The following PLCG2 variants were observed in gnomAD, a reference collection of about 807,000 sequenced individuals.
The protein encoded by PLCG2 is phospholipase C gamma 2.
PLCG2 carries 69 observed loss-of-function variants against 175.6 expected under a neutral mutation model. The observed-to-expected ratio is 0.39, with a 90% CI of 0.32 to 0.48. The LOEUF (loss-of-function observed/expected upper bound fraction) is 0.48, where lower values mean the gene tolerates loss of function less well. PLCG2 is among the 20% of genes least tolerant of loss of function. The probability of loss-of-function intolerance (pLI) is 0.91; values close to 1 mark genes in which losing one functional copy is unlikely to be tolerated. For missense variants in PLCG2, 1,798 were observed against 1,650.9 expected, an observed-to-expected ratio of 1.09 and a Z score of -1.54; for synonymous variants, 827 against 624.0, an observed-to-expected ratio of 1.33 and a Z score of -4.85.
intron 18 of PLCG2, 116 bp downstream of exon 18, chr16:81,910,836 C>T (rs1237409274): frequency 1.1e-6 from 1 of 928,536 alleles, no homozygotes; most frequent in Non-Finnish European, 1.7e-6. Context: ...TCTCCCCAGC[C>T]CACCGGCATC....
intron 2 of PLCG2, among the ~76,000 whole-genome samples, chr16:81,812,930 G>A (rs1318526288): frequency 6.6e-6 from 1 of 152,148 alleles, no homozygotes; most frequent in Non-Finnish European, 1.5e-5. Context: ...ATTAAGTAGG[G>A]AATCCTTTCC....
intron 5 of PLCG2, among the ~76,000 whole-genome samples, chr16:81,862,313 A>G (rs1283399038): frequency 2.0e-5 from 3 of 152,212 alleles, no homozygotes; most frequent in Non-Finnish European, 4.4e-5. Flanking sequence ...TGACTTTTCT[A>G]GAGGCAAATG....
chr16:81,893,957 C>CTTTTTTT (rs1567520283), intron 12 of PLCG2, among the ~76,000 whole-genome samples, 163 bp downstream of exon 12: 1 of 142,010 alleles, frequency 7.0e-6, no homozygotes, highest in Non-Finnish European at 1.6e-5. Flanking sequence ...TTTCTTTTTT[C>CTTTTTTT]TTTCTTTTTT....
intron 5 of PLCG2, among the ~76,000 whole-genome samples, chr16:81,861,781 C>A (rs1597360060): frequency 6.6e-6 from 1 of 152,174 alleles, no homozygotes; most frequent in Non-Finnish European, 1.5e-5. Flanking sequence ...TATGGTATGG[C>A]CAATCTGGCT....
At chr16:81,938,954 C>G in intron 29 of PLCG2, 39 bp downstream of exon 29, 1 of 1,173,880 alleles carries the variant, frequency 8.5e-7, no homozygotes, top group South Asian at 1.3e-5. Flanking sequence ...TTTAAACGTC[C>G]GGCCAGTGAA....
chr16:81,926,294 A>G (rs1015214054), intron 22 of PLCG2, among the ~76,000 whole-genome samples: 3 of 152,196 alleles, frequency 2.0e-5, no homozygotes, highest in Non-Finnish European at 2.9e-5. Flanking sequence ...CTGGGGAGCC[A>G]TCATGTGGTG....
chr16:81,958,007 G>T lies in PLCG2; in HGVS notation c.*9G>T, dbSNP rs781560169. 1.2e-5 allele frequency: 20 copies of T among 1,602,464 alleles called. No individual in the cohort carries two copies. Among genetic ancestry groups the T allele is most frequent in the South Asian group, 3.3e-5 (3 of 90,814 alleles). ...GCAAGTTTTACTCATAGAAGCTGGGGTATGTGTGTAAGGGTATTGTGTGTG... is the reference window on the plus strand; with the variant it reads ...GCAAGTTTTACTCATAGAAGCTGGGTTATGTGTGTAAGGGTATTGTGTGTG... On this transcript the variant is annotated 3_prime_UTR_variant, in exon 33 of 33. Coordinates refer to ENST00000564138, the MANE Select transcript of PLCG2 (RefSeq NM_002661.5).
At chr16:81,778,030 A>AC (rs1555505433), upstream of PLCG2, among the ~76,000 whole-genome samples, 4 of 81,930 alleles carry the variant, frequency 4.9e-5, no homozygotes, top group Non-Finnish European at 7.6e-5. Context: ...AAAAAAAAAA[A>AC]ACAAAAAAAA....
chr16:81,783,323 T>G (rs866040661), intron 1 of PLCG2, among the ~76,000 whole-genome samples: 8 of 152,224 alleles, frequency 5.3e-5, no homozygotes, highest in Admixed American at 2.6e-4. Flanking sequence ...ATTATTATTA[T>G]GCTTTAAGTT....
chr16:81,769,819 C>CAAAA (rs71146043), intron 2 of PLCG2, among the ~76,000 whole-genome samples: 3 of 75,658 alleles, frequency 4.0e-5, no homozygotes, highest in African/African-American at 1.2e-4. Context: ...GACTCCGTCT[C>CAAAA]AAAAAAAAAA....
At position 81,743,535 on chromosome 16, in the gene PLCG2, G is replaced by A. The variant is rs571474078; in HGVS notation, c.-145+4150G>A. ...GAGCCAGAGGCCACAGTGGCCAGAG[G>A]GGAGTGAAAGGGGTGAGGTTGGGCT... On this transcript the variant is annotated intron_variant, in intron 1 of 5. Coordinates refer to the PLCG2 transcript ENST00000565054. Among the ~76,000 whole-genome samples the A allele has an allele frequency of 2.1e-3, 315 of 152,330 alleles. 3 individuals carry two copies. Among genetic ancestry groups the A allele is most frequent in the Non-Finnish European group, 2.9e-3 (199 of 68,028 alleles).
chr16:81,872,629 A>T (rs7199578), intron 7 of PLCG2, among the ~76,000 whole-genome samples: 2 of 152,198 alleles, frequency 1.3e-5, no homozygotes, highest in Admixed American at 6.5e-5. Flanking sequence ...CACACATTCA[A>T]TAAGTAGGGG....
At chr16:81,916,054 G>T (rs1909825354) in intron 19 of PLCG2, among the ~76,000 whole-genome samples, 1 of 151,922 alleles carries the variant, frequency 6.6e-6, no homozygotes. Flanking sequence ...TTTTGTGTCT[G>T]GGTATTTTCA....
In PLCG2 at chr16:81,870,196, G is replaced by A. The variant is rs114229093; in HGVS notation, c.565-656G>A. On this transcript the variant is annotated intron_variant, in intron 6 of 32. Coordinates refer to ENST00000564138, the MANE Select transcript of PLCG2 (RefSeq NM_002661.5). ...ATTTACCATTGATTGCTACACAGTT[G>A]CCATTTAATTCTTTATCAAGTATTT... is the stretch of plus-strand genomic sequence containing the variant. Among the ~76,000 whole-genome samples, 1,055 of 152,284 alleles carry A rather than the reference G, an allele frequency of 6.9e-3. 18 individuals carry two copies. The highest frequency in any genetic ancestry group is 0.024 in the African/African-American group (992 of 41,548).
rs1040026323 is a variant in PLCG2, at chr16:81,914,774, G to A, written c.2054+2058G>A. 3.9e-5 allele frequency among the ~76,000 whole-genome samples: 6 copies of A among 152,112 alleles called. 1 individual carries two copies. The highest frequency in any genetic ancestry group is 6.3e-3 in the Middle Eastern group (2 of 316). ...GTTCCTGCTTATGTAACATTGGCTG[G>A]GATGTAGTTGGTGGTTGGTGAATGC... On this transcript the variant is annotated intron_variant, in intron 19 of 32. Transcript: ENST00000564138.
At chr16:81,927,335 T>G (rs1273313640) in intron 23 of PLCG2, among the ~76,000 whole-genome samples, 157 bp downstream of exon 23, 6 of 151,926 alleles carry the variant, frequency 3.9e-5, no homozygotes, top group Non-Finnish European at 7.4e-5. Flanking sequence ...ATAGGGAAAT[T>G]GAGATTGAGT....
intron 2 of PLCG2, among the ~76,000 whole-genome samples, chr16:81,852,480 G>T (rs1451635876): frequency 2.9e-5 from 4 of 139,234 alleles, no homozygotes; most frequent in African/African-American, 1.0e-4. Context: ...GAAGGGACTG[G>T]TTGAGCTTGT....
At position 81,786,195 on chromosome 16, in the gene PLCG2, T is replaced by A. The variant is rs757139873; in HGVS notation, c.193+13T>A. The A allele has an allele frequency of 1.2e-6, 2 of 1,611,424 alleles. No homozygotes were observed. Among genetic ancestry groups the A allele is most frequent in the Admixed American group, 1.7e-5 (1 of 59,948 alleles). On this transcript the variant is annotated intron_variant, in intron 2 of 32. Coordinates refer to ENST00000564138, the MANE Select transcript of PLCG2 (RefSeq NM_002661.5). ...ATCGAGGGCTTCTGTGAGTACTCGC[T>A]GGGTGGGGCAGTGTGGCCCGTCCTC...
chr16:81,917,227 CT>C (rs57305207), intron 19 of PLCG2, among the ~76,000 whole-genome samples: 6,040 of 141,726 alleles, frequency 0.043, 243 homozygotes, highest in African/African-American at 0.11. Context: ...ACAGGCTTTC[CT>C]TTTTTTTTTT....
Sources: allele counts gnomAD v4.1 joint callset (sites outside exome capture counted in the v4.1 genomes callset), GRCh38; gene constraint gnomAD v4.1.1; transcripts MANE v1.5; gene names NCBI Gene and HGNC (gene_info 2026-07-23, HGNC 2026-07-21).